Variants in RBFOX1 observed in about 807,000 individuals in gnomAD.
RBFOX1 encodes RNA binding protein fox-1 homolog 1.
In RBFOX1, 8 loss-of-function variants were observed where a neutral mutation model predicts 57.7. The ratio of observed to expected loss-of-function variants is 0.14; its 90% confidence interval spans 0.08 to 0.25. RBFOX1 has a LOEUF of 0.25. RBFOX1 is among the 10% of genes least tolerant of loss of function. The pLI is 1.00. For missense variants in RBFOX1, 611 were observed against 548.5 expected (o/e 1.11, Z -1.14); for synonymous variants, 326 against 222.4 (o/e 1.47, Z -4.15).
chr16:6,910,598 T>C (rs2071319006), intron 3 of RBFOX1, among the ~76,000 whole-genome samples: 1 of 152,188 alleles, frequency 6.6e-6, no homozygotes, highest in Non-Finnish European at 1.5e-5. Context: ...GCTGCATTTC[T>C]TCCGGAGGTT....
intron 3 of RBFOX1, among the ~76,000 whole-genome samples, chr16:5,797,068 A>G (rs1378913822): frequency 2.0e-5 from 3 of 152,190 alleles, no homozygotes; most frequent in African/African-American, 4.8e-5. Context: ...GAATTTTGTG[A>G]TCAAGACTGG....
chr16:6,208,719 TA>T (rs202061488), intron 1 of RBFOX1, among the ~76,000 whole-genome samples: 7 of 151,654 alleles, frequency 4.6e-5, no homozygotes, highest in Middle Eastern at 3.4e-3. Context: ...CTTCCATATT[TA>T]AAAAAAAATA....
chr16:5,393,408 G>T lies in RBFOX1; in HGVS notation c.220-73808G>T, dbSNP rs569908502. On this transcript the variant is annotated intron_variant, in intron 1 of 2. Transcript: ENST00000585867. ...TGCCAAGAAGGTTGATCTCCCTTCTGCTTTTATTCCTACCCCTTCAGTGGT... is the reference window on the plus strand; with the variant it reads ...TGCCAAGAAGGTTGATCTCCCTTCTTCTTTTATTCCTACCCCTTCAGTGGT... Among the ~76,000 whole-genome samples the T allele has an allele frequency of 4.2e-4, 64 of 152,328 alleles. 2 individuals carry two copies. The highest frequency in any genetic ancestry group is 4.1e-3 in the Admixed American group (62 of 15,304).
chr16:6,437,235 C>T (rs2094261119), intron 2 of RBFOX1, among the ~76,000 whole-genome samples: 1 of 152,184 alleles, frequency 6.6e-6, no homozygotes, highest in Admixed American at 6.5e-5. Context: ...CATCGTTGCT[C>T]ACATACTCCA....
At position 5,613,482 on chromosome 16, in the gene RBFOX1, A is replaced by G. The variant is rs369396207; in HGVS notation, c.318+14521A>G. ...GGTTGCAGCCCTGATTATGGCTCCC[A>G]GAAGCTGAGATTTGTGGTCTAAAAC... On this transcript the variant is annotated intron_variant, in intron 3 of 19. Coordinates refer to the RBFOX1 transcript ENST00000641259. Among the ~76,000 whole-genome samples, 10 of 152,322 alleles carry G rather than the reference A, an allele frequency of 6.6e-5. No individual in the cohort carries two copies. In the East Asian group the frequency reaches 1.9e-3, roughly 29 times the overall value.
chr16:5,462,107 G>A (rs1041929952), intron 1 of RBFOX1, among the ~76,000 whole-genome samples: 2 of 151,380 alleles, frequency 1.3e-5, no homozygotes, highest in Admixed American at 1.3e-4. Flanking sequence ...GTGGAACGCT[G>A]TGCTTGCCTA....
chr16:7,072,608 T>G (rs906370153), intron 4 of RBFOX1, among the ~76,000 whole-genome samples: 1 of 152,266 alleles, frequency 6.6e-6, no homozygotes, highest in African/African-American at 2.4e-5. Context: ...AAGATAACCG[T>G]TATTCTAGAA....
intron 4 of RBFOX1, among the ~76,000 whole-genome samples, chr16:7,091,580 G>A (rs1465210698): frequency 1.3e-5 from 2 of 151,758 alleles, no homozygotes; most frequent in East Asian, 1.9e-4. Flanking sequence ...AGGATCCTGA[G>A]AGTCCTCTAC....
intron 1 of RBFOX1, among the ~76,000 whole-genome samples, chr16:5,440,974 C>A (rs2068067034): frequency 6.6e-6 from 1 of 152,168 alleles, no homozygotes; most frequent in South Asian, 2.1e-4. Context: ...GCAGCAAACT[C>A]CTACGTACCC....
intron 3 of RBFOX1, among the ~76,000 whole-genome samples, chr16:6,915,417 C>T (rs1416101593): frequency 6.6e-6 from 1 of 152,166 alleles, no homozygotes; most frequent in Non-Finnish European, 1.5e-5. Context: ...TTTAATAAAT[C>T]CACGTAGCCC....
rs17139760 is a variant in RBFOX1 at position 6,288,876 on chromosome 16, T to C, written c.-126-28119T>C. Among the ~76,000 whole-genome samples, 1,229 of 152,162 alleles carry C rather than the reference T, an allele frequency of 8.1e-3. 25 individuals are homozygous for C. Among genetic ancestry groups the C allele is most frequent in the African/African-American group, 0.028 (1,177 of 41,526 alleles). The stretch of plus-strand genomic sequence containing the variant: ...TTGGAATTCTGGATCTAAGGTCTAG[T>C]GGAACCAACAGCGAATTCTGGACAT... On this transcript the variant is annotated intron_variant, in intron 1 of 15. Transcript: ENST00000550418.
intron 2 of RBFOX1, among the ~76,000 whole-genome samples, chr16:6,476,320 C>T (rs932669190): frequency 6.6e-6 from 1 of 152,246 alleles, no homozygotes. Context: ...AGTAAATACA[C>T]ATCTTGTACA....
At chr16:7,695,710 ACTGT>A (rs2078603880) in intron 14 of RBFOX1, among the ~76,000 whole-genome samples, 1 of 151,566 alleles carries the variant, frequency 6.6e-6, no homozygotes, top group South Asian at 2.1e-4. Context: ...AAACAGCACT[ACTGT>A]AATGAGCTCT....
rs114621398 is a variant in RBFOX1, at chr16:7,068,680, C to T, written c.27+16582C>T. On this transcript the variant is annotated intron_variant, in intron 4 of 15. Coordinates refer to ENST00000550418, the MANE Select transcript of RBFOX1 (RefSeq NM_018723.4). ...CAGTTCATTGCAACCTCTGCCCCTC[C>T]GGGTTCAGGAGATTCTCCTGTCTCA... 9.4e-3 allele frequency among the ~76,000 whole-genome samples: 1,436 copies of T among 152,242 alleles called. 19 individuals are homozygous for T. Among genetic ancestry groups the T allele is most frequent in the African/African-American group, 0.03 (1,258 of 41,550 alleles).
intron 4 of RBFOX1, among the ~76,000 whole-genome samples, chr16:7,390,233 A>T (rs981754107): frequency 6.6e-6 from 1 of 152,196 alleles, no homozygotes; most frequent in African/African-American, 2.4e-5. Context: ...CAACACTGAG[A>T]ACTACAGCTG....
chr16:7,607,934 T>A (rs1456932685), intron 10 of RBFOX1, among the ~76,000 whole-genome samples: 1 of 152,162 alleles, frequency 6.6e-6, no homozygotes, highest in African/African-American at 2.4e-5. Flanking sequence ...CAATTACCTC[T>A]CAGCTGGGAA....
intron 3 of RBFOX1, among the ~76,000 whole-genome samples, chr16:7,016,220 G>A (rs1030705548): frequency 2.0e-5 from 3 of 152,114 alleles, no homozygotes; most frequent in African/African-American, 7.2e-5. Context: ...CCATCAACAT[G>A]TATCCCCAAG....
chr16:7,385,757 T>G (rs1022748281), intron 4 of RBFOX1, among the ~76,000 whole-genome samples: 2 of 151,772 alleles, frequency 1.3e-5, no homozygotes, highest in Non-Finnish European at 2.9e-5. Flanking sequence ...GCTTTTAAGG[T>G]TTTTGGTTTT....
intron 2 of RBFOX1, among the ~76,000 whole-genome samples, chr16:5,544,258 A>C (rs1380163121): frequency 6.6e-6 from 1 of 152,210 alleles, no homozygotes; most frequent in Non-Finnish European, 1.5e-5. Context: ...ATTAAACTGG[A>C]AATTGGCAAC....
Sources: gnomAD v4.1 joint callset for allele counts (sites outside exome capture counted in the v4.1 genomes callset) on GRCh38, gnomAD v4.1.1 for gene constraint, MANE v1.5 for transcripts, NCBI Gene and HGNC (gene_info 2026-07-23, HGNC 2026-07-21) for gene names.